Variants in RASSF4 observed in about 807,000 individuals in gnomAD.
RASSF4 encodes ras association domain-containing protein 4.
Under a neutral mutation model 41.1 loss-of-function variants are expected in RASSF4, and 38 were observed. The ratio of observed to expected loss-of-function variants is 0.92; its 90% CI spans 0.71 to 1.21. The LOEUF is 1.21. RASSF4 is among the 50% of genes most tolerant of loss of function. The pLI is 0.00. For synonymous variants in RASSF4, 179 were observed against 163.4 expected, an observed-to-expected ratio of 1.10 and a Z score of -0.73; for missense variants, 414 against 419.4, an observed-to-expected ratio of 0.99 and a Z score of 0.11.
chr10:44,990,949 G>T lies in RASSF4; in HGVS notation c.687G>T (p.Glu229Asp). The change falls in exon 9 of 11, where the codon GAG becomes GAT. Residue 229 changes from glutamate to aspartate, a missense_variant and splice_region_variant. Transcript: ENST00000340258. The stretch of plus-strand genomic sequence containing the variant: ...TTTGTAAACCACCTTCTTTTTCAGA[G>T]CGGACAAAATTAAAAGACTGCGAGT... ...FALYIVHESG[E>D]RTKLKDCEYP... 1 of 1,611,108 alleles carries T rather than the reference G, an allele frequency of 6.2e-7. No individual in the cohort carries two copies. The highest frequency in any genetic ancestry group is 8.5e-7 in the Non-Finnish European group (1 of 1,177,568).
intron 3 of RASSF4, among the ~76,000 whole-genome samples, chr10:44,972,755 GTT>G (rs1026737935): frequency 1.2e-4 from 19 of 152,362 alleles, no homozygotes; most frequent in Middle Eastern, 3.4e-3. Flanking sequence ...TGGTGAGGCT[GTT>G]TTTTGGGGGG....
chr10:44,992,613 C>T (rs1036860534), intron 10 of RASSF4, among the ~76,000 whole-genome samples: 7 of 152,110 alleles, frequency 4.6e-5, no homozygotes, highest in Non-Finnish European at 7.4e-5. Context: ...GAAGTGTGGT[C>T]CAGGACTTGT....
chr10:44,975,146 C>T (rs1301490837), intron 3 of RASSF4, among the ~76,000 whole-genome samples: 2 of 152,136 alleles, frequency 1.3e-5, no homozygotes, highest in Non-Finnish European at 2.9e-5. Context: ...CGCTCCACAT[C>T]CAGTCCCGCT....
chr10:44,977,146 G>GT (rs1841466939), intron 3 of RASSF4: 1 of 442,898 alleles, frequency 2.3e-6, no homozygotes. Flanking sequence ...CAGATGTTAA[G>GT]TAAGTTGCTC....
At chr10:44,965,426 ACT>A (rs1183345932) in intron 1 of RASSF4, among the ~76,000 whole-genome samples, 2 of 152,176 alleles carry the variant, frequency 1.3e-5, no homozygotes, top group Non-Finnish European at 2.9e-5. Context: ...CACTGAAGAC[ACT>A]CTGCTAGCCA....
chr10:44,980,189 G>T (rs1430859807), intron 3 of RASSF4, among the ~76,000 whole-genome samples: 1 of 152,210 alleles, frequency 6.6e-6, no homozygotes. Flanking sequence ...TGAATTCTAG[G>T]TGGGAACTCC....
At chr10:44,989,458 C>A in intron 7 of RASSF4, 83 bp downstream of exon 7, 1 of 1,096,776 alleles carries the variant, frequency 9.1e-7, no homozygotes. Context: ...GGAAAGCTGC[C>A]CGTGGCAGAA....
intron 3 of RASSF4, chr10:44,977,804 C>G: frequency 6.2e-7 from 1 of 1,600,870 alleles, no homozygotes; most frequent in Non-Finnish European, 8.5e-7. Flanking sequence ...AGCAGGGCGG[C>G]CCTTCCGGCA....
Position 44,987,427 on chromosome 10 carries a change from C to A in RASSF4, c.532-1847C>A, listed in dbSNP as rs140452975. 3.5e-3 allele frequency among the ~76,000 whole-genome samples: 540 copies of A among 152,190 alleles called. 6 individuals are homozygous for A. Among genetic ancestry groups the A allele is most frequent in the African/African-American group, 0.011 (452 of 41,552 alleles). On this transcript the variant is annotated intron_variant, in intron 6 of 10. Transcript: ENST00000340258. ...TTCCATATTTCTTTGGACAAGAAAG[C>A]CTAATCCTAATCCTGGCTTTCTGTA...
chr10:44,971,162 G>A, intron 2 of RASSF4: 2 of 285,532 alleles, frequency 7.0e-6, no homozygotes, highest in South Asian at 6.5e-5. Context: ...GGTTCAGGCA[G>A]CTGTCCAGGC....
At chr10:44,986,417 A>G (rs1261912083) in intron 6 of RASSF4, among the ~76,000 whole-genome samples, 3 of 152,214 alleles carry the variant, frequency 2.0e-5, no homozygotes, top group Non-Finnish European at 4.4e-5. Context: ...GCAGCCTCTC[A>G]TTTCCAACTG....
rs1304560810 is a variant in RASSF4, at chr10:44,995,826, A to G, written c.*2497A>G. On this transcript the variant is annotated 3_prime_UTR_variant, in exon 11 of 11. Coordinates refer to ENST00000340258, the MANE Select transcript of RASSF4 (RefSeq NM_032023.4). ...TTTCTTTCTACATAGAGCTTAGGGT[A>G]TTTCTCATATGCCCCATTGGCTACC... 6.6e-6 allele frequency: 1 copy of G among 152,154 alleles called. No homozygotes were observed. Among genetic ancestry groups the G allele is most frequent in the East Asian group, 1.9e-4 (1 of 5,188 alleles). 9.4% of individuals were successfully genotyped at this position (152,154 alleles called of 1,614,324 possible). A position where few individuals can be genotyped will look rare whatever the true frequency, so the allele number is the denominator to read the frequency against.
chr10:44,975,979 C>T (rs1841409406), intron 3 of RASSF4: 1 of 152,022 alleles, frequency 6.6e-6, no homozygotes, highest in Non-Finnish European at 1.5e-5. Context: ...AAGCCCGGAC[C>T]TCAACCCCTC....
intron 3 of RASSF4, chr10:44,978,112 A>C: frequency 6.7e-7 from 1 of 1,500,226 alleles, no homozygotes; most frequent in South Asian, 1.2e-5. Context: ...ACCGCCCCTC[A>C]GCGTCACCAC....
chr10:44,977,548 G>C, intron 3 of RASSF4: 1 of 1,613,496 alleles, frequency 6.2e-7, no homozygotes, highest in Non-Finnish European at 8.5e-7. Flanking sequence ...GTCTTGCCAG[G>C]GAATGCCCAG....
chr10:44,983,087 T>C (rs150971663), intron 4 of RASSF4: 2 of 411,676 alleles, frequency 4.9e-6, no homozygotes, highest in African/African-American at 4.2e-5. Flanking sequence ...GAATTTCACA[T>C]TACATTTGTT....
chr10:44,970,257 AT>A lies in RASSF4; in HGVS notation c.57del (p.Gln20ArgfsTer6), dbSNP rs765251328. The A allele has an allele frequency of 8.8e-5, 142 of 1,613,740 alleles. No individual in the cohort carries two copies. The highest frequency in any genetic ancestry group is 1.1e-4 in the Non-Finnish European group (135 of 1,179,708). On this transcript the variant is annotated frameshift_variant, in exon 2 of 11. Coordinates refer to ENST00000340258, the MANE Select transcript of RASSF4 (RefSeq NM_032023.4). LOFTEE classifies it high-confidence loss of function. The part of the protein sequence containing the change: ...SHVPISDSKS[I>X]QKSELLGLLK... The stretch of plus-strand genomic sequence containing the variant: ...CGTGCCCATCAGTGACAGCAAGTCC[AT>A]TCAGAAGTAAGCCTTGGTGTGCAGG...
intron 8 of RASSF4, 95 bp downstream of exon 8, chr10:44,989,816 C>T (rs1405585604): frequency 1.8e-6 from 2 of 1,108,610 alleles, no homozygotes; most frequent in African/African-American, 1.5e-5. Context: ...TACTCCCTTC[C>T]AGATGGGCTC....
chr10:44,990,897 CAG>C (rs1180104213), intron 8 of RASSF4, 49 bp from the exon 9 acceptor site: 2 of 1,586,844 alleles, frequency 1.3e-6, no homozygotes, highest in Non-Finnish European at 1.7e-6. Context: ...CTGGAACAGA[CAG>C]AGGTGATCCT....
Sources: allele counts gnomAD v4.1 joint callset (sites outside exome capture counted in the v4.1 genomes callset), GRCh38; gene constraint gnomAD v4.1.1; transcripts MANE v1.5; gene names NCBI Gene and HGNC (gene_info 2026-07-23, HGNC 2026-07-21).